PALM2AKAP2: variants seen among roughly 807,000 people sequenced by gnomAD.
PALM2AKAP2 encodes PALM2-AKAP2 fusion protein.
In PALM2AKAP2, 37 loss-of-function variants were observed where a neutral mutation model predicts 71.5. The observed-to-expected ratio is 0.52, with a 90% CI of 0.40 to 0.68. The LOEUF (loss-of-function observed/expected upper bound fraction) is 0.68. PALM2AKAP2 is among the 30% of genes least tolerant of loss of function. The probability of loss-of-function intolerance (pLI) is 0.00; values close to 1 mark genes in which losing one functional copy is unlikely to be tolerated. For missense variants in PALM2AKAP2, 1,224 were observed against 1,191.8 expected (o/e 1.03, Z -0.40); for synonymous variants, 468 against 478.8 (o/e 0.98, Z 0.29).
chr9:109,670,371 T>C (rs568559114), intron 1 of PALM2AKAP2, among the ~76,000 whole-genome samples: 5 of 152,292 alleles, frequency 3.3e-5, no homozygotes, highest in Non-Finnish European at 5.9e-5. Context: ...CATGAGGTAT[T>C]TGGTTGTCTG....
At chr9:110,138,608 G>A (rs1835956188) in intron 2 of PALM2AKAP2, 69 bp downstream of exon 8, 3 of 1,470,256 alleles carry the variant, frequency 2.0e-6, no homozygotes, top group African/African-American at 1.4e-5. Flanking sequence ...CAGCTCATGG[G>A]TTTCTATGTG....
chr9:109,943,614 T>C (rs1300927409), intron 6 of PALM2AKAP2: 1 of 733,498 alleles, frequency 1.4e-6, no homozygotes, highest in African/African-American at 1.8e-5. Context: ...ATGTGTGTGC[T>C]TCATTCTCTC....
chr9:110,108,118 C>CTTTTTTTTT (rs371354620), intron 1 of PALM2AKAP2, among the ~76,000 whole-genome samples: 5 of 111,216 alleles, frequency 4.5e-5, no homozygotes, highest in Admixed American at 9.1e-5. Context: ...TTCTTTTTTT[C>CTTTTTTTTT]TTTTTTTTTT....
intron 1 of PALM2AKAP2, among the ~76,000 whole-genome samples, chr9:109,657,407 A>G (rs1827322611): frequency 6.6e-6 from 1 of 151,276 alleles, no homozygotes; most frequent in African/African-American, 2.4e-5. Flanking sequence ...CCAGTTGTTT[A>G]GTGTGGTGGC....
intron 1 of PALM2AKAP2, among the ~76,000 whole-genome samples, chr9:109,773,716 A>T (rs556564345): frequency 6.6e-6 from 1 of 152,340 alleles, no homozygotes; most frequent in South Asian, 2.1e-4. Flanking sequence ...CAAGTGGCAG[A>T]GTTAGGATTA....
intron 1 of PALM2AKAP2, among the ~76,000 whole-genome samples, chr9:109,652,797 A>G (rs888544256): frequency 6.6e-6 from 1 of 152,204 alleles, no homozygotes. Context: ...AATGAGAAAC[A>G]TAGTTGGTCA....
intron 2 of PALM2AKAP2, among the ~76,000 whole-genome samples, chr9:110,152,534 C>T (rs903567069): frequency 2.0e-5 from 3 of 152,108 alleles, no homozygotes; most frequent in Admixed American, 2.0e-4. Context: ...CTTCAAGGGG[C>T]CTTATGGGGT....
At chr9:109,922,312 C>T (rs1830849647) in intron 3 of PALM2AKAP2, among the ~76,000 whole-genome samples, 1 of 149,938 alleles carries the variant, frequency 6.7e-6, no homozygotes, top group Non-Finnish European at 1.5e-5. Flanking sequence ...GTCCCAGCTC[C>T]TTGGGAAGCT....
chr9:109,998,858 A>G lies in PALM2AKAP2; in HGVS notation c.497-17096A>G, dbSNP rs376485300. On this transcript the variant is annotated intron_variant, in intron 6 of 9. Transcript: ENST00000302798. ...TAAGAACCATGACCAGGAAAAGGCC[A>G]TGTCATCCATCAGGTGACTTTGTAG... Among the ~76,000 whole-genome samples, 42 of 151,902 alleles carry G rather than the reference A, an allele frequency of 2.8e-4. No homozygotes were observed. In the East Asian group the frequency reaches 7.6e-3, roughly 27 times the overall value.
At chr9:109,716,005 C>T (rs1828314289) in intron 1 of PALM2AKAP2, among the ~76,000 whole-genome samples, 1 of 152,162 alleles carries the variant, frequency 6.6e-6, no homozygotes, top group African/African-American at 2.4e-5. Context: ...GCATCTGCAG[C>T]TGGGAAATCA....
chr9:109,696,951 TG>T (rs1466160660), intron 1 of PALM2AKAP2, among the ~76,000 whole-genome samples: 1 of 152,208 alleles, frequency 6.6e-6, no homozygotes, highest in Non-Finnish European at 1.5e-5. Flanking sequence ...GTGCTCCCCA[TG>T]GGATCAGGTT....
intron 1 of PALM2AKAP2, among the ~76,000 whole-genome samples, chr9:109,752,456 G>T (rs1828899597): frequency 6.6e-6 from 1 of 152,138 alleles, no homozygotes; most frequent in Non-Finnish European, 1.5e-5. Flanking sequence ...GTAGGAAGGA[G>T]ATAAATGATG....
intron 1 of PALM2AKAP2, among the ~76,000 whole-genome samples, chr9:110,085,166 G>A (rs955690493): frequency 2.3e-4 from 35 of 152,224 alleles, no homozygotes; most frequent in African/African-American, 8.2e-4. Context: ...GAAGCAGGCC[G>A]AAGTGGTGAC....
In PALM2AKAP2 at chr9:110,015,940, T is replaced by A. The variant is rs549117818; in HGVS notation, c.497-14T>A. ...ATGACTTGGCTCAAATGGCACTTCT[T>A]TTTTTTCTTTCAGGAGTCGGGTGGG... On this transcript the variant is annotated splice_polypyrimidine_tract_variant and intron_variant, in intron 6 of 9. Transcript: ENST00000302798. 6.2e-7 allele frequency: 1 copy of A among 1,612,584 alleles called. No individual in the cohort carries two copies. Among genetic ancestry groups the A allele is most frequent in the South Asian group, 1.1e-5 (1 of 90,736 alleles).
intron 1 of PALM2AKAP2, among the ~76,000 whole-genome samples, chr9:109,711,399 A>T (rs927331882): frequency 4.6e-5 from 7 of 152,234 alleles, no homozygotes; most frequent in African/African-American, 1.7e-4. Flanking sequence ...GAGTTACTGG[A>T]GTCTCACAGA....
At chr9:110,113,529 T>C (rs1588116103) in intron 1 of PALM2AKAP2, among the ~76,000 whole-genome samples, 1 of 76,488 alleles carries the variant, frequency 1.3e-5, no homozygotes, top group East Asian at 9.6e-4. Context: ...GCACCTGGAC[T>C]TTTTTTTTTT....
chr9:109,932,699 G>A (rs2132001087), intron 6 of PALM2AKAP2, among the ~76,000 whole-genome samples: 1 of 152,136 alleles, frequency 6.6e-6, no homozygotes, highest in South Asian at 2.1e-4. Flanking sequence ...AAGGATGCAA[G>A]CAATAAATCT....
chr9:109,806,899 A>G (rs963356223), intron 1 of PALM2AKAP2, among the ~76,000 whole-genome samples: 2 of 152,240 alleles, frequency 1.3e-5, no homozygotes, highest in Non-Finnish European at 2.9e-5. Context: ...TTTGGAGCAC[A>G]AGAATTGCAC....
intron 7 of PALM2AKAP2, among the ~76,000 whole-genome samples, chr9:110,018,721 A>G (rs1833023457): frequency 6.6e-6 from 1 of 152,194 alleles, no homozygotes; most frequent in African/African-American, 2.4e-5. Context: ...TCACTAAGGA[A>G]TTTGTGAATT....
Sources: allele counts gnomAD v4.1 joint callset (sites outside exome capture counted in the v4.1 genomes callset), GRCh38; gene constraint gnomAD v4.1.1; transcripts MANE v1.5; gene names NCBI Gene and HGNC (gene_info 2026-07-23, HGNC 2026-07-21).